The following NDE1 variants were observed in gnomAD, a reference collection of about 807,000 sequenced individuals.
The protein encoded by NDE1 is nudE neurodevelopment protein 1.
A neutral mutation model predicts 43.4 loss-of-function variants in NDE1; 28 were observed. That is an observed-to-expected ratio of 0.65 (90% CI 0.48 to 0.89). The LOEUF is 0.89. Ranked by LOEUF, NDE1 falls within the 40% of genes least tolerant of loss-of-function variation. The probability of loss-of-function intolerance (pLI) is 0.00; values close to 1 mark genes in which losing one functional copy is unlikely to be tolerated. For synonymous variants in NDE1, 184 were observed against 172.0 expected (o/e 1.07, Z -0.55); for missense variants, 441 against 434.1 (o/e 1.02, Z -0.14).
intron 1 of NDE1, among the ~76,000 whole-genome samples, chr16:15,653,096 TTTCTA>T (rs2036584022): frequency 6.6e-6 from 1 of 152,136 alleles, no homozygotes; most frequent in Non-Finnish European, 1.5e-5. Context: ...TCCAGACCCT[TTTCTA>T]TTCTGTGTAC....
chr16:15,680,983 A>G (rs1487979680), intron 4 of NDE1, among the ~76,000 whole-genome samples: 3 of 151,562 alleles, frequency 2.0e-5, no homozygotes, highest in African/African-American at 7.3e-5. Context: ...TTTTTTATAC[A>G]TGTATTTTTC....
Position 15,699,962 on chromosome 16 carries a change from C to T in NDE1, c.947+3102C>T, listed in dbSNP as rs796365231. On this transcript the variant is annotated intron_variant, in intron 8 of 8. Transcript: ENST00000396354. The stretch of plus-strand genomic sequence containing the variant: ...AGTTAGTTAGCTTTGCGGCCCAAGC[C>T]AATGACCGAGGCCATCACCTGTGCT... 16 of 1,208,390 alleles carry T rather than the reference C, an allele frequency of 1.3e-5. 1 individual carries two copies. The African/African-American group carries it at 1.9e-4, about 14-fold the overall frequency. 74.9% of individuals were successfully genotyped at this position (1,208,390 alleles called of 1,614,324 possible).
intron 1 of NDE1, among the ~76,000 whole-genome samples, chr16:15,656,841 A>G (rs2036793400): frequency 6.6e-6 from 1 of 152,100 alleles, no homozygotes. Context: ...GCACCCTGCC[A>G]GGCTTGGGTG....
At chr16:15,659,812 G>A (rs1348817803) in intron 1 of NDE1, among the ~76,000 whole-genome samples, 1 of 147,262 alleles carries the variant, frequency 6.8e-6, no homozygotes, top group South Asian at 2.1e-4. Context: ...GCAGTGGCAC[G>A]ATCTCAGCTC....
intron 8 of NDE1, chr16:15,701,589 G>A (rs532345945): frequency 6.6e-6 from 1 of 152,324 alleles, no homozygotes; most frequent in Admixed American, 6.5e-5. Context: ...TGTCAAAGAC[G>A]TGAACGTGGG....
intron 8 of NDE1, chr16:15,719,372 C>T (rs1217174304): frequency 1.2e-5 from 18 of 1,560,228 alleles, no homozygotes; most frequent in Non-Finnish European, 1.4e-5. Context: ...AAGAGTCCAC[C>T]CTGACAACTC....
At chr16:15,651,466 C>T (rs2036501555) in intron 1 of NDE1, 2 of 137,374 alleles carry the variant, frequency 1.5e-5, no homozygotes, top group East Asian at 2.2e-4. Context: ...GTTTTTGAGA[C>T]AGAGTCTCAC....
At chr16:15,719,814 T>G (rs1342412302) in intron 8 of NDE1, 68 of 1,528,916 alleles carry the variant, frequency 4.4e-5, no homozygotes, top group Non-Finnish European at 5.8e-5. Flanking sequence ...TTTTCTGCAG[T>G]TGACCACAAA....
At chr16:15,662,106 TAA>T (rs973371052) in intron 1 of NDE1, among the ~76,000 whole-genome samples, 1 of 151,804 alleles carries the variant, frequency 6.6e-6, no homozygotes, top group Non-Finnish European at 1.5e-5. Flanking sequence ...TCTAATTTTT[TAA>T]AAAGTTTTTT....
chr16:15,659,183 A>G (rs2036918453), intron 1 of NDE1, among the ~76,000 whole-genome samples: 1 of 152,134 alleles, frequency 6.6e-6, no homozygotes, highest in Non-Finnish European at 1.5e-5. Flanking sequence ...TTCTGCATGA[A>G]TTAGGCCCAC....
intron 1 of NDE1, among the ~76,000 whole-genome samples, chr16:15,661,797 C>T (rs1298240106): frequency 6.6e-6 from 1 of 152,064 alleles, no homozygotes; most frequent in East Asian, 1.9e-4. Flanking sequence ...CACCCAATTG[C>T]CTAAGGTAGA....
At chr16:15,677,067 G>T (rs1378531653) in intron 3 of NDE1, among the ~76,000 whole-genome samples, 1 of 152,076 alleles carries the variant, frequency 6.6e-6, no homozygotes, top group Non-Finnish European at 1.5e-5. Context: ...AGGTGCTCAG[G>T]GGGCAGAGGC....
chr16:15,712,080 C>T (rs535836575), intron 8 of NDE1, among the ~76,000 whole-genome samples: 1 of 152,112 alleles, frequency 6.6e-6, no homozygotes, highest in South Asian at 2.1e-4. Context: ...AGAAGGACCA[C>T]GAGGTTTGTG....
intron 8 of NDE1, among the ~76,000 whole-genome samples, chr16:15,723,928 G>A (rs1340856241): frequency 1.3e-5 from 2 of 152,208 alleles, no homozygotes; most frequent in Non-Finnish European, 2.9e-5. Context: ...GACCCTCATG[G>A]TGCTGGTACC....
exon 1 of NDE1, chr16:15,643,420 G>A (rs1411352862): frequency 1.1e-5 from 5 of 468,056 alleles, no homozygotes; most frequent in African/African-American, 1.0e-4. Context: ...ACGTTGTGGA[G>A]TCGAAAGGAA....
intron 8 of NDE1, among the ~76,000 whole-genome samples, chr16:15,699,025 C>T (rs982095790): frequency 6.6e-6 from 1 of 151,906 alleles, no homozygotes; most frequent in African/African-American, 2.4e-5. Flanking sequence ...GCTGGGGCTA[C>T]AGGTGCACAC....
At chr16:15,652,486 T>C (rs2036551590) in intron 1 of NDE1, among the ~76,000 whole-genome samples, 2 of 152,226 alleles carry the variant, frequency 1.3e-5, no homozygotes, top group Admixed American at 6.5e-5. Context: ...GTGCAATGGA[T>C]GTGGGTGCTT....
At chr16:15,676,491 T>G (rs933651186) in intron 3 of NDE1, among the ~76,000 whole-genome samples, 5 of 151,758 alleles carry the variant, frequency 3.3e-5, no homozygotes, top group African/African-American at 1.2e-4. Flanking sequence ...GGATTACAGG[T>G]GTGAGCCACT....
chr16:15,694,842 G>A (rs888941575), intron 7 of NDE1: 1 of 985,308 alleles, frequency 1.0e-6, no homozygotes, highest in African/African-American at 1.7e-5. Flanking sequence ...TGATATGTGT[G>A]TTTTTTCCTT....
Sources: gnomAD v4.1 joint callset for allele counts (sites outside exome capture counted in the v4.1 genomes callset) on GRCh38, gnomAD v4.1.1 for gene constraint, MANE v1.5 for transcripts, NCBI Gene and HGNC (gene_info 2026-07-23, HGNC 2026-07-21) for gene names.